Variants in CTSB observed in about 807,000 individuals in gnomAD.
The protein encoded by CTSB is APP secretase.
In CTSB, 57 loss-of-function variants were observed where a neutral mutation model predicts 44.3. That is an observed-to-expected ratio of 1.29 (90% CI 1.04 to 1.60). CTSB has a LOEUF of 1.60. Among genes scored for constraint, CTSB ranks in the 40% most tolerant of loss-of-function variants. CTSB has a pLI of 0.00. For missense variants in CTSB, 768 were observed against 443.0 expected, an observed-to-expected ratio of 1.73 and a Z score of -6.59; for synonymous variants, 320 against 168.0, an observed-to-expected ratio of 1.91 and a Z score of -7.00.
intron 1 of CTSB, among the ~76,000 whole-genome samples, chr8:11,858,537 G>A (rs758686433): frequency 4.6e-5 from 7 of 152,154 alleles, no homozygotes; most frequent in African/African-American, 1.2e-4. Context: ...TGATCTGCCC[G>A]CCTTGGCCTC....
At chr8:11,856,922 G>T (rs1431995614) in intron 1 of CTSB, among the ~76,000 whole-genome samples, 1 of 152,004 alleles carries the variant, frequency 6.6e-6, no homozygotes, top group Non-Finnish European at 1.5e-5. Context: ...ATAGTTGGCA[G>T]TATTACTAAA....
At chr8:11,858,265 G>A (rs1055594308) in intron 1 of CTSB, among the ~76,000 whole-genome samples, 1 of 152,148 alleles carries the variant, frequency 6.6e-6, no homozygotes, top group Non-Finnish European at 1.5e-5. Flanking sequence ...GGTCCCCAAC[G>A]CCAGGAAGAG....
At chr8:11,851,864 A>G (rs565980474) in intron 3 of CTSB, among the ~76,000 whole-genome samples, 2 of 151,960 alleles carry the variant, frequency 1.3e-5, no homozygotes, top group African/African-American at 4.8e-5. Context: ...ACGGGGTTTC[A>G]TCATGTTGGT....
intron 9 of CTSB, 81 bp from the exon 10 acceptor site, chr8:11,845,303 G>A: frequency 9.2e-7 from 1 of 1,090,648 alleles, no homozygotes; most frequent in Non-Finnish European, 1.4e-6. Context: ...AAGACCTTAA[G>A]TCACTCATCC....
rs1216074026 is a variant in CTSB at position 11,842,678 on chromosome 8, C to CCAGGCTG, written c.*2440_*2446dup. 2.6e-5 allele frequency: 4 copies of CCAGGCTG among 152,008 alleles called. No individual in the cohort carries two copies. The highest frequency in any genetic ancestry group is 9.7e-5 in the African/African-American group (4 of 41,374). 9.4% of individuals were successfully genotyped at this position (152,008 alleles called of 1,614,324 possible). A position where few individuals can be genotyped will look rare whatever the true frequency, so the allele number is the denominator to read the frequency against. ...TGAGACACAGATTCACTCTTGTCCCCCAGGCTGGAGTGCAATGGCGTGATC... is the reference window on the plus strand; with the variant it reads ...TGAGACACAGATTCACTCTTGTCCCCCAGGCTGCAGGCTGGAGTGCAATGGCGTGATC... On this transcript the variant is annotated 3_prime_UTR_variant, in exon 10 of 10. Transcript: ENST00000353047.
intron 5 of CTSB, 41 bp from the exon 6 acceptor site, chr8:11,848,193 C>G (rs1469560991): frequency 1.3e-6 from 2 of 1,545,866 alleles, no homozygotes; most frequent in Non-Finnish European, 8.9e-7. Context: ...GAGAGAAGCA[C>G]CACCAGCTCT....
At chr8:11,851,205 G>C (rs912807159) in intron 3 of CTSB, among the ~76,000 whole-genome samples, 1 of 148,932 alleles carries the variant, frequency 6.7e-6, no homozygotes, top group Non-Finnish European at 1.5e-5. Context: ...GGGAGGGTGG[G>C]AGTGGACAGA....
At position 11,845,265 on chromosome 8, in the gene CTSB, C is replaced by A. The variant is rs373774389; in HGVS notation, c.923-43G>T. On this transcript the variant is annotated intron_variant, in intron 9 of 9. Transcript: ENST00000353047. ...GGTGCTTTTAAAGTGTGACAAGGGT[C>A]AACCAATATAGTCAGACTCATCCTT... 4 of 1,439,664 alleles carry A rather than the reference C, an allele frequency of 2.8e-6. No homozygotes were observed. In the South Asian group the frequency reaches 4.6e-5, roughly 17 times the overall value. The allele number at this position is 1,439,664 out of a possible 1,614,324, so 89.2% of individuals were successfully genotyped here. A position where few individuals can be genotyped will look rare whatever the true frequency, so the allele number is the denominator to read the frequency against.
In CTSB at chr8:11,853,309, G is replaced by C. The variant is rs746494823; in HGVS notation, c.126+20C>G. The C allele has an allele frequency of 6.2e-7, 1 of 1,612,442 alleles. No homozygotes were observed. The highest frequency in any genetic ancestry group is 1.1e-5 in the South Asian group (1 of 90,906). On this transcript the variant is annotated intron_variant, in intron 2 of 9. Transcript: ENST00000353047. ...CCGACCTGGGAGGGGACATACATAG[G>C]ACGCAGCCCCACAGCCTACCTGCCA...
intron 4 of CTSB, 157 bp from the exon 5 acceptor site, chr8:11,849,321 T>C: frequency 3.7e-6 from 2 of 547,128 alleles, no homozygotes; most frequent in African/African-American, 1.9e-5. Flanking sequence ...GCTTTTATTT[T>C]CTTTGGTAGA....
chr8:11,853,504 A>C (rs187446092), intron 1 of CTSB, 25 bp from the exon 2 acceptor site: 1 of 1,593,814 alleles, frequency 6.3e-7, no homozygotes, highest in East Asian at 2.3e-5. Context: ...GGGCATCAGG[A>C]CACCTCTCTG....
intron 6 of CTSB, 113 bp from the exon 7 acceptor site, chr8:11,847,935 C>T (rs1813750951): frequency 3.6e-6 from 5 of 1,373,198 alleles, no homozygotes; most frequent in Non-Finnish European, 4.0e-6. Flanking sequence ...TGCCAGAGGC[C>T]TGTGCACCTG....
intron 3 of CTSB, among the ~76,000 whole-genome samples, chr8:11,851,877 G>C (rs765928793): frequency 4.6e-5 from 7 of 151,992 alleles, no homozygotes; most frequent in Non-Finnish European, 1.0e-4. Flanking sequence ...ATGTTGGTCA[G>C]ACTGGTCTCG....
At chr8:11,847,881 G>C in intron 6 of CTSB, 59 bp from the exon 7 acceptor site, 2 of 1,409,338 alleles carry the variant, frequency 1.4e-6, no homozygotes, top group Non-Finnish European at 1.9e-6. Flanking sequence ...AAGACCTGGG[G>C]CAAGGCAAGC....
intron 1 of CTSB, among the ~76,000 whole-genome samples, chr8:11,858,893 T>TTTA (rs1815947125): frequency 1.3e-5 from 2 of 152,292 alleles, no homozygotes; most frequent in Admixed American, 1.3e-4. Context: ...CCACTTCCCT[T>TTTA]TTATTTCTTA....
At chr8:11,857,214 C>T (rs147581458) in intron 1 of CTSB, among the ~76,000 whole-genome samples, 51 of 152,254 alleles carry the variant, frequency 3.3e-4, no homozygotes, top group African/African-American at 1.2e-3. Flanking sequence ...GTCCGTGTTT[C>T]GTTATGTTGG....
intron 8 of CTSB, among the ~76,000 whole-genome samples, chr8:11,846,811 C>A (rs1435580742): frequency 1.3e-5 from 2 of 152,056 alleles, no homozygotes; most frequent in Non-Finnish European, 2.9e-5. Context: ...AGGAACTAGC[C>A]CAGAGGCTCT....
At chr8:11,861,457 G>T (rs1004746906) in intron 1 of CTSB, 23 of 152,340 alleles carry the variant, frequency 1.5e-4, no homozygotes, top group African/African-American at 5.3e-4. Flanking sequence ...CACGCAAGCT[G>T]CTCTCCATAG....
chr8:11,842,986 T>G lies in CTSB; in HGVS notation c.*2139A>C, dbSNP rs1356209763. The G allele has an allele frequency of 2.7e-4, 36 of 132,192 alleles. No homozygotes were observed. The highest frequency in any genetic ancestry group is 9.9e-4 in the African/African-American group (34 of 34,412). 8.2% of individuals were successfully genotyped at this position (132,192 alleles called of 1,614,324 possible). ...ATTATTGAGACGGAGCCTTGCGCTG[T>G]CACCGAGGCTGGAGTGCACTGGCAC... On this transcript the variant is annotated 3_prime_UTR_variant, in exon 10 of 10. Coordinates refer to ENST00000353047, the MANE Select transcript of CTSB (RefSeq NM_001908.5).
Sources: gnomAD v4.1 joint callset for allele counts (sites outside exome capture counted in the v4.1 genomes callset) on GRCh38, gnomAD v4.1.1 for gene constraint, MANE v1.5 for transcripts, NCBI Gene and HGNC (gene_info 2026-07-23, HGNC 2026-07-21) for gene names.